DEPDC5: variants seen among roughly 807,000 people sequenced by gnomAD.
DEPDC5 encodes DEP domain containing 5, GATOR1 subcomplex subunit.
In DEPDC5, 73 loss-of-function variants were observed where a neutral mutation model predicts 217.3. The observed-to-expected ratio is 0.34, with a 90% CI of 0.28 to 0.41. DEPDC5 has a LOEUF of 0.41. Among genes scored for constraint, DEPDC5 ranks in the 10% least tolerant of loss-of-function variants. The pLI is 1.00. For missense variants in DEPDC5, 1,675 were observed against 2,070.1 expected (o/e 0.81, Z 3.70); for synonymous variants, 733 against 756.7 (o/e 0.97, Z 0.51).
intron 31 of DEPDC5, among the ~76,000 whole-genome samples, chr22:31,856,113 C>T (rs2092279624): frequency 6.6e-6 from 1 of 151,520 alleles, no homozygotes; most frequent in South Asian, 2.1e-4. Context: ...CAGGAGATCC[C>T]ACTGGAACAG....
chr22:31,817,434 G>C, intron 21 of DEPDC5: 1 of 474,082 alleles, frequency 2.1e-6, no homozygotes. Flanking sequence ...CATATACTTG[G>C]TGGCTTTTTA....
intron 41 of DEPDC5, among the ~76,000 whole-genome samples, chr22:31,904,706 T>C (rs1386124478): frequency 6.6e-6 from 1 of 152,184 alleles, no homozygotes; most frequent in Non-Finnish European, 1.5e-5. Context: ...ATTGTACCAC[T>C]GCAGTCCAGC....
intron 31 of DEPDC5, among the ~76,000 whole-genome samples, chr22:31,856,155 G>GCACA (rs136863): frequency 0.071 from 9,952 of 140,572 alleles, 455 homozygotes; most frequent in Non-Finnish European, 0.084. Context: ...GGGCCAACGC[G>GCACA]CACACACACA....
chr22:31,809,031 G>T (rs901818503), intron 18 of DEPDC5, among the ~76,000 whole-genome samples: 1 of 152,124 alleles, frequency 6.6e-6, no homozygotes, highest in African/African-American at 2.4e-5. Context: ...GGCTCCCAAG[G>T]TGCTGGGATT....
At chr22:31,873,076 T>C (rs2092894769) in intron 34 of DEPDC5, 179 bp from the exon 35 acceptor site, 1 of 1,270,448 alleles carries the variant, frequency 7.9e-7, no homozygotes, top group Admixed American at 2.5e-5. Context: ...TATTTTAAAA[T>C]AGGAAACCCC....
At chr22:31,899,644 G>T (rs1023904953) in intron 40 of DEPDC5, among the ~76,000 whole-genome samples, 2 of 152,066 alleles carry the variant, frequency 1.3e-5, no homozygotes, top group African/African-American at 4.8e-5. Context: ...TGCCCGCCTC[G>T]GCTTCCCAAA....
intron 38 of DEPDC5, among the ~76,000 whole-genome samples, chr22:31,883,055 C>T (rs2093218787): frequency 6.6e-6 from 1 of 152,212 alleles, no homozygotes; most frequent in Non-Finnish European, 1.5e-5. Context: ...CCAGATCATT[C>T]TTTCTTGTGG....
intron 29 of DEPDC5, chr22:31,844,721 T>C (rs1285297201): frequency 1.5e-5 from 3 of 196,114 alleles, no homozygotes; most frequent in African/African-American, 7.4e-5. Context: ...TTTTTTTTTT[T>C]TTTTTTTGAG....
chr22:31,890,130 A>G (rs1024005385), intron 38 of DEPDC5, among the ~76,000 whole-genome samples: 1 of 152,130 alleles, frequency 6.6e-6, no homozygotes, highest in Non-Finnish European at 1.5e-5. Context: ...TTTCTCATCC[A>G]TGCTTCACCT....
At chr22:31,793,244 G>T (rs1426599699) in intron 12 of DEPDC5, among the ~76,000 whole-genome samples, 1 of 151,966 alleles carries the variant, frequency 6.6e-6, no homozygotes, top group Non-Finnish European at 1.5e-5. Flanking sequence ...GTTAACATTG[G>T]TACATTACTA....
chr22:31,757,238 C>T (rs137870667), intron 2 of DEPDC5: 20 of 152,256 alleles, frequency 1.3e-4, no homozygotes, highest in African/African-American at 4.6e-4. Flanking sequence ...GTCACAGCTA[C>T]TCAAGAGGCT....
In DEPDC5 at chr22:31,843,812, G is replaced by A; in HGVS notation, c.2801G>A (p.Ser934Asn). 2 of 1,590,340 alleles carry A rather than the reference G, an allele frequency of 1.3e-6. No homozygotes were observed. The highest frequency in any genetic ancestry group is 1.7e-6 in the Non-Finnish European group (2 of 1,160,590). Reference protein sequence around the residue: ...YICSAGSEDFSLIESLKFWRT... With the variant: ...YICSAGSEDFNLIESLKFWRT... The stretch of plus-strand genomic sequence containing the variant: ...TGTTCTGCCGGCTCTGAAGACTTCA[G>A]GTCAGAGAGTGGGCTTTGGATTTCC... The change falls in exon 29 of 43, where the codon AGC becomes AAC. Residue 934 changes from serine (S) to asparagine (N), a missense_variant and splice_region_variant. Around this residue, in one of 11 missense-constraint regions of DEPDC5, gnomAD observed 293 missense variants for 386.1 expected, o/e 0.76. Transcript: ENST00000651528.
chr22:31,847,245 T>C (rs1186915964), intron 31 of DEPDC5, among the ~76,000 whole-genome samples: 1 of 152,022 alleles, frequency 6.6e-6, no homozygotes, highest in East Asian at 1.9e-4. Flanking sequence ...GGGCCAGGTG[T>C]GGTGGCTCAG....
chr22:31,777,485 C>T (rs2083995611), intron 7 of DEPDC5, among the ~76,000 whole-genome samples: 1 of 151,610 alleles, frequency 6.6e-6, no homozygotes, highest in African/African-American at 2.4e-5. Flanking sequence ...TGATCTCGAA[C>T]TCCTGACCTC....
chr22:31,888,017 G>GAT (rs2093354882), intron 38 of DEPDC5, among the ~76,000 whole-genome samples: 1 of 151,998 alleles, frequency 6.6e-6, no homozygotes. Flanking sequence ...AAACACTTAG[G>GAT]ATACTCAGTT....
intron 25 of DEPDC5, chr22:31,836,736 T>TA (rs1292071772): frequency 2.0e-6 from 1 of 502,754 alleles, no homozygotes; most frequent in Admixed American, 3.7e-5. Context: ...AAATATCAGC[T>TA]GTGAATCCCA....
At chr22:31,783,497 C>T (rs1261832056) in intron 8 of DEPDC5, among the ~76,000 whole-genome samples, 1 of 151,936 alleles carries the variant, frequency 6.6e-6, no homozygotes, top group Admixed American at 6.6e-5. Context: ...CCCCTCTCTA[C>T]AAAAAAATAC....
At chr22:31,797,801 C>A in intron 13 of DEPDC5, 98 bp downstream of exon 13, 1 of 911,618 alleles carries the variant, frequency 1.1e-6, no homozygotes, top group Non-Finnish European at 1.8e-6. Flanking sequence ...TCTCCCATTG[C>A]CGTGTGTAGT....
At chr22:31,775,723 A>G (rs2083766652) in intron 7 of DEPDC5, among the ~76,000 whole-genome samples, 1 of 152,000 alleles carries the variant, frequency 6.6e-6, no homozygotes. Context: ...CAGTTTCCCC[A>G]CATTATCTGG....
Sources: gnomAD v4.1 joint callset for allele counts (sites outside exome capture counted in the v4.1 genomes callset) on GRCh38, gnomAD v4.1.1 for gene constraint, gnomAD v4.1.1 regional missense constraint, MANE v1.5 for transcripts, NCBI Gene and HGNC (gene_info 2026-07-23, HGNC 2026-07-21) for gene names.